Variants in PKHD1 observed in about 807,000 individuals in gnomAD.
PKHD1 encodes PKHD1 ciliary IPT domain containing fibrocystin/polyductin.
PKHD1 carries 291 observed loss-of-function variants against 412.0 expected under a neutral mutation model. The ratio of observed to expected loss-of-function variants is 0.71; its 90% CI spans 0.64 to 0.78. PKHD1 has a LOEUF of 0.78. Ranked by LOEUF, PKHD1 falls within the 30% of genes least tolerant of loss-of-function variation. The probability of loss-of-function intolerance (pLI) is 0.00; values close to 1 mark genes in which losing one functional copy is unlikely to be tolerated. For missense variants in PKHD1, 4,825 were observed against 4,950.7 expected, an observed-to-expected ratio of 0.97 and a Z score of 0.76; for synonymous variants, 1,777 against 1,821.5, an observed-to-expected ratio of 0.98 and a Z score of 0.62.
At position 51,894,263 on chromosome 6, in the gene PKHD1, C is replaced by T. The variant is rs892350850; in HGVS notation, c.6997-7018G>A. Among the ~76,000 whole-genome samples, 27 of 152,070 alleles carry T rather than the reference C, an allele frequency of 1.8e-4. 1 individual carries two copies. The highest frequency in any genetic ancestry group is 4.8e-4 in the African/African-American group (20 of 41,392). ...ACTTGCTTTTGGAAAGCATGGCAAA[C>T]GCCTATTTAAGAAATGTACCAGGGA... On this transcript the variant is annotated intron_variant, in intron 43 of 66. Transcript: ENST00000371117.
At position 51,869,814 on chromosome 6, in the gene PKHD1, T is replaced by A. The variant is rs1583125897; in HGVS notation, c.7486+690A>T. 4.6e-5 allele frequency among the ~76,000 whole-genome samples: 7 copies of A among 152,244 alleles called. No individual in the cohort carries two copies. In the South Asian group the frequency reaches 1.5e-3, roughly 32 times the overall value. ...AAAAAGTAAAGTGGAGACTTGTTGA[T>A]TATTCATTTAATTAAAAAAACAAAC... On this transcript the variant is annotated intron_variant, in intron 47 of 66. Transcript: ENST00000371117.
chr6:51,667,058 C>T (rs1016771308), intron 60 of PKHD1, among the ~76,000 whole-genome samples: 76 of 148,476 alleles, frequency 5.1e-4, no homozygotes, highest in African/African-American at 1.8e-3. Flanking sequence ...GGGTATATAC[C>T]CAGTAATGGG....
intron 61 of PKHD1, among the ~76,000 whole-genome samples, chr6:51,654,905 C>T (rs1562031406): frequency 6.6e-6 from 1 of 151,982 alleles, no homozygotes; most frequent in Non-Finnish European, 1.5e-5. Context: ...CAATCTTTGT[C>T]TTTTTTTAAC....
At chr6:51,697,370 G>C (rs891986030) in intron 60 of PKHD1, among the ~76,000 whole-genome samples, 3 of 152,116 alleles carry the variant, frequency 2.0e-5, no homozygotes, top group Non-Finnish European at 4.4e-5. Context: ...TGATTGGAGA[G>C]GTCTCTTGTG....
At chr6:51,662,687 C>T (rs1162915658) in intron 60 of PKHD1, among the ~76,000 whole-genome samples, 1 of 151,774 alleles carries the variant, frequency 6.6e-6, no homozygotes. Flanking sequence ...TAACTCTTCC[C>T]TAGACCGATC....
At chr6:51,743,199 G>T (rs1310306636) in intron 60 of PKHD1, among the ~76,000 whole-genome samples, 2 of 152,090 alleles carry the variant, frequency 1.3e-5, no homozygotes, top group Non-Finnish European at 2.9e-5. Flanking sequence ...GTAGAAGAAA[G>T]AAGACCAGCA....
intron 60 of PKHD1, among the ~76,000 whole-genome samples, chr6:51,705,505 C>CA (rs1360148239): frequency 7.2e-5 from 11 of 152,138 alleles, no homozygotes; most frequent in South Asian, 2.1e-4. Context: ...CAAAGAGCCT[C>CA]AAAAATAGTT....
Position 52,043,057 on chromosome 6 carries a change from T to A in PKHD1, c.2899A>T (p.Asn967Tyr). Residue 967 changes from asparagine (N) to tyrosine (Y), a missense_variant, in exon 27 of 67, where the codon AAC becomes TAC. By Grantham distance (143) the Asn-to-Tyr change is moderately radical. Coordinates refer to ENST00000371117, the MANE Select transcript of PKHD1 (RefSeq NM_138694.4). ...GDSQFLQVTV[N>Y]KTSCKVIFSN... ...AAAATAACTTTGCAACTCGTTTTGTTCACTGTAACCTGCAAGAACTGGGAG... is the reference window on the plus strand; with the variant it reads ...AAAATAACTTTGCAACTCGTTTTGTACACTGTAACCTGCAAGAACTGGGAG... 1 of 1,614,004 alleles carries A rather than the reference T, an allele frequency of 6.2e-7. No individual in the cohort carries two copies. Among genetic ancestry groups the A allele is most frequent in the Non-Finnish European group, 8.5e-7 (1 of 1,179,882 alleles).
chr6:51,846,033 T>A (rs1238877857), intron 50 of PKHD1, among the ~76,000 whole-genome samples: 2 of 152,220 alleles, frequency 1.3e-5, no homozygotes, highest in Non-Finnish European at 2.9e-5. Context: ...TTTACTCTTA[T>A]TTATGGCTGT....
In PKHD1 at chr6:52,064,981, T is replaced by C. The variant is rs1329957880; in HGVS notation, c.950A>G (p.Asp317Gly). Residue 317 changes from aspartate to glycine, a missense_variant, in exon 13 of 67, where the codon GAT (aspartate) becomes GGT (glycine). Asp to Gly is a moderately conservative substitution (Grantham distance 94). Transcript: ENST00000371117. The stretch of plus-strand genomic sequence containing the variant: ...TGGCTGAGGGGTGGTGAGCCTCACA[T>C]CTTTTCCTGGAGCCCGAGTGGTGCA... ...IECTTRAPGK[D>G]VRLTTPQPGN... The C allele has an allele frequency of 6.2e-7, 1 of 1,602,250 alleles. No individual in the cohort carries two copies.
At chr6:51,740,236 T>G (rs73426009) in intron 60 of PKHD1, among the ~76,000 whole-genome samples, 2,747 of 152,320 alleles carry the variant, frequency 0.018, 69 homozygotes, top group African/African-American at 0.063. Flanking sequence ...CTACACATCC[T>G]GCATTACACA....
At chr6:51,768,449 T>A (rs1432659809) in intron 55 of PKHD1, among the ~76,000 whole-genome samples, 1 of 152,044 alleles carries the variant, frequency 6.6e-6, no homozygotes, top group Non-Finnish European at 1.5e-5. Context: ...CTGTAATTTT[T>A]CCTAAATTTA....
chr6:51,894,546 T>C (rs1026050123), intron 43 of PKHD1, among the ~76,000 whole-genome samples: 1 of 152,228 alleles, frequency 6.6e-6, no homozygotes, highest in African/African-American at 2.4e-5. Context: ...CTGAATTCCT[T>C]ATGTTGTGGC....
At chr6:51,706,655 C>T (rs927685553) in intron 60 of PKHD1, among the ~76,000 whole-genome samples, 3 of 152,118 alleles carry the variant, frequency 2.0e-5, no homozygotes, top group African/African-American at 4.8e-5. Flanking sequence ...CCCATTTTGT[C>T]ATCTGTCCAT....
At chr6:51,834,427 G>A (rs1768822716) in intron 51 of PKHD1, among the ~76,000 whole-genome samples, 1 of 151,938 alleles carries the variant, frequency 6.6e-6, no homozygotes, top group South Asian at 2.1e-4. Context: ...CTTAGTACGG[G>A]TACATATTAC....
At chr6:51,895,006 T>C (rs1455433716) in intron 43 of PKHD1, among the ~76,000 whole-genome samples, 1 of 152,242 alleles carries the variant, frequency 6.6e-6, no homozygotes. Flanking sequence ...CTCTTTCTGT[T>C]CCACATATTA....
intron 4 of PKHD1, among the ~76,000 whole-genome samples, chr6:52,082,143 AC>A (rs1225482034): frequency 1.3e-5 from 2 of 152,242 alleles, no homozygotes; most frequent in South Asian, 2.1e-4. Context: ...GCAAAAAAAA[AC>A]AAATGGAAAC....
intron 35 of PKHD1, among the ~76,000 whole-genome samples, chr6:51,986,769 T>C (rs112582079): frequency 2.0e-5 from 3 of 152,202 alleles, no homozygotes; most frequent in African/African-American, 4.8e-5. Flanking sequence ...CCAAGCAAAA[T>C]AGAAAAGTGA....
intron 39 of PKHD1, among the ~76,000 whole-genome samples, chr6:51,909,824 T>C (rs1325452492): frequency 6.6e-6 from 1 of 152,136 alleles, no homozygotes; most frequent in Non-Finnish European, 1.5e-5. Flanking sequence ...AATGACCTTC[T>C]TGTGGTTGAT....
Sources: gnomAD v4.1 joint callset for allele counts (sites outside exome capture counted in the v4.1 genomes callset) on GRCh38, gnomAD v4.1.1 for gene constraint, MANE v1.5 for transcripts, NCBI Gene and HGNC (gene_info 2026-07-23, HGNC 2026-07-21) for gene names.